Variants in CHN2 observed in about 807,000 individuals in gnomAD.
CHN2 encodes the protein chimerin 2, also known as beta-chimaerin.
In CHN2, 35 loss-of-function variants were observed where a neutral mutation model predicts 56.3. The observed-to-expected ratio is 0.62, with a 90% confidence interval of 0.47 to 0.82. The LOEUF is 0.82. CHN2 is among the 40% of genes least tolerant of loss of function. The pLI is 0.00. For synonymous variants in CHN2, 210 were observed against 212.8 expected (o/e 0.99, Z 0.12); for missense variants, 491 against 580.5 (o/e 0.85, Z 1.58).
At chr7:29,383,053 C>T (rs1489860783) in intron 3 of CHN2, among the ~76,000 whole-genome samples, 1 of 152,128 alleles carries the variant, frequency 6.6e-6, no homozygotes, top group Admixed American at 6.5e-5. Flanking sequence ...TGTGTTCATC[C>T]AGTAAATACG....
chr7:29,426,885 C>T lies in CHN2; in HGVS notation c.576+26057C>T, dbSNP rs555828348. 2.8e-4 allele frequency among the ~76,000 whole-genome samples: 42 copies of T among 152,324 alleles called. No individual in the cohort carries two copies. In the East Asian group the frequency reaches 7.7e-3, roughly 28 times the overall value. On this transcript the variant is annotated intron_variant, in intron 6 of 12. Transcript: ENST00000222792. ...TCCGCTGGGGACTGGCCATTGCTCC[C>T]GGTGGCTCCCATCTTCCTTCTCACA...
chr7:29,147,990 C>G (rs1418299925), intron 2 of CHN2, among the ~76,000 whole-genome samples: 1 of 152,192 alleles, frequency 6.6e-6, no homozygotes, highest in African/African-American at 2.4e-5. Flanking sequence ...TCTCTTCCCA[C>G]AGGGCTCTAG....
At chr7:29,426,191 A>G (rs1804846729) in intron 6 of CHN2, among the ~76,000 whole-genome samples, 1 of 121,046 alleles carries the variant, frequency 8.3e-6, no homozygotes, top group Admixed American at 1.1e-4. Context: ...CCTGGGTGAT[A>G]GCGAGACTCT....
chr7:29,255,983 A>G (rs1789045772), intron 1 of CHN2, among the ~76,000 whole-genome samples: 1 of 152,202 alleles, frequency 6.6e-6, no homozygotes, highest in African/African-American at 2.4e-5. Context: ...AACTTAATCC[A>G]ATTTACCTTT....
chr7:29,404,188 C>A (rs1286209148), intron 6 of CHN2, among the ~76,000 whole-genome samples: 1 of 152,124 alleles, frequency 6.6e-6, no homozygotes, highest in East Asian at 1.9e-4. Flanking sequence ...GCAAGTGATG[C>A]TAAAAGTACT....
intron 1 of CHN2, among the ~76,000 whole-genome samples, chr7:29,279,172 T>C (rs1359969543): frequency 2.0e-5 from 3 of 152,230 alleles, no homozygotes; most frequent in South Asian, 2.1e-4. Context: ...GTTGTGATTA[T>C]TTACAGAGTT....
At chr7:29,199,809 A>T (rs990771013) in intron 1 of CHN2, 15 of 152,182 alleles carry the variant, frequency 9.9e-5, no homozygotes, top group African/African-American at 3.1e-4. Context: ...CTTGTGCTGA[A>T]ATGCTGGTTC....
intron 1 of CHN2, among the ~76,000 whole-genome samples, chr7:29,286,123 G>T (rs2128864988): frequency 6.6e-6 from 1 of 152,108 alleles, no homozygotes; most frequent in Non-Finnish European, 1.5e-5. Context: ...TCTTTTCGAG[G>T]ATGTGCCTCA....
intron 1 of CHN2, among the ~76,000 whole-genome samples, chr7:29,252,578 G>GTTTTTTTTTTTTGTT (rs1788669740): frequency 5.1e-5 from 1 of 19,486 alleles, no homozygotes; most frequent in Non-Finnish European, 8.2e-5. Context: ...TGCATTCTTT[G>GTTTTTTTTTTTTGTT]TTTTTTTTTT....
chr7:29,401,966 G>A (rs1044342209), intron 6 of CHN2, among the ~76,000 whole-genome samples: 5 of 152,162 alleles, frequency 3.3e-5, no homozygotes, highest in Admixed American at 1.3e-4. Flanking sequence ...TGCTGAGCCC[G>A]GCTTGTCAGG....
intron 1 of CHN2, among the ~76,000 whole-genome samples, chr7:29,326,906 A>G (rs1184737611): frequency 6.6e-6 from 1 of 152,190 alleles, no homozygotes; most frequent in African/African-American, 2.4e-5. Context: ...TTAATGGGTT[A>G]CCTCAATTAA....
intron 1 of CHN2, among the ~76,000 whole-genome samples, chr7:29,267,013 G>A (rs1790203175): frequency 6.6e-6 from 1 of 152,034 alleles, no homozygotes; most frequent in Non-Finnish European, 1.5e-5. Flanking sequence ...AATCAATATG[G>A]GTCCAATCCC....
At chr7:29,156,924 C>T (rs1159498050) in intron 2 of CHN2, among the ~76,000 whole-genome samples, 1 of 152,122 alleles carries the variant, frequency 6.6e-6, no homozygotes, top group East Asian at 1.9e-4. Context: ...CTAATTTTAA[C>T]ACAAGAAAAG....
At chr7:29,159,978 G>A (rs1264767539) in intron 2 of CHN2, among the ~76,000 whole-genome samples, 1 of 152,156 alleles carries the variant, frequency 6.6e-6, no homozygotes, top group African/African-American at 2.4e-5. Flanking sequence ...TTTTCTGGTT[G>A]GTGGTCATCT....
At chr7:29,510,501 A>C (rs1022515632) in intron 12 of CHN2, among the ~76,000 whole-genome samples, 1 of 152,162 alleles carries the variant, frequency 6.6e-6, no homozygotes, top group Non-Finnish European at 1.5e-5. Context: ...AAGCCCACTC[A>C]CATGGTTGTT....
intron 8 of CHN2, among the ~76,000 whole-genome samples, chr7:29,496,404 A>T: frequency 6.6e-6 from 1 of 152,162 alleles, no homozygotes; most frequent in East Asian, 1.9e-4. Context: ...AAGACATAAA[A>T]ATAGTAATAG....
At chr7:29,150,167 C>G (rs1303617774) in intron 2 of CHN2, among the ~76,000 whole-genome samples, 2 of 152,156 alleles carry the variant, frequency 1.3e-5, no homozygotes, top group African/African-American at 4.8e-5. Flanking sequence ...TTGTTAAGCC[C>G]TAGTGGTTCA....
At chr7:29,214,990 T>C (rs1785230239) in intron 1 of CHN2, among the ~76,000 whole-genome samples, 1 of 152,150 alleles carries the variant, frequency 6.6e-6, no homozygotes, top group Admixed American at 6.6e-5. Flanking sequence ...GGAGGGGCCC[T>C]TGGGTCACCA....
chr7:29,188,547 AAAG>A (rs1422521457), intron 2 of CHN2, among the ~76,000 whole-genome samples: 1 of 152,124 alleles, frequency 6.6e-6, no homozygotes, highest in African/African-American at 2.4e-5. Flanking sequence ...TTTTTAAAAA[AAAG>A]AGGATTTCTG....
Sources: allele counts gnomAD v4.1 joint callset (sites outside exome capture counted in the v4.1 genomes callset), GRCh38; gene constraint gnomAD v4.1.1; transcripts MANE v1.5; gene names NCBI Gene and HGNC (gene_info 2026-07-23, HGNC 2026-07-21).